The following BIN1 variants were observed in gnomAD, a reference collection of about 807,000 sequenced individuals.
BIN1 encodes the protein myc box-dependent-interacting protein 1.
In BIN1, 53 loss-of-function variants were observed where a neutral mutation model predicts 82.0. The observed-to-expected ratio is 0.65, with a 90% CI of 0.52 to 0.81. BIN1 has a LOEUF of 0.81. BIN1 is among the 40% of genes least tolerant of loss of function. BIN1 has a pLI of 0.00. For synonymous variants in BIN1, 302 were observed against 328.0 expected (o/e 0.92, Z 0.86); for missense variants, 642 against 784.4 (o/e 0.82, Z 2.17).
chr2:127,086,511 C>CT (rs34507663), intron 1 of BIN1, among the ~76,000 whole-genome samples: 141 of 142,322 alleles, frequency 9.9e-4, no homozygotes, highest in African/African-American at 1.1e-3. Flanking sequence ...ATCTTTTTTT[C>CT]TTTTTTTTTT....
Position 127,078,435 on chromosome 2 carries a change from C to A in BIN1, c.85-1729G>T, listed in dbSNP as rs193058280. ...CAGCTCAGACAGAGGGGAGAGGTTGCAACAAAGGTAAGGAGACCAGAAAGA... is the reference window on the plus strand; with the variant it reads ...CAGCTCAGACAGAGGGGAGAGGTTGAAACAAAGGTAAGGAGACCAGAAAGA... On this transcript the variant is annotated intron_variant, in intron 1 of 18. Coordinates refer to ENST00000316724, the MANE Select transcript of BIN1 (RefSeq NM_139343.3). 5.3e-5 allele frequency among the ~76,000 whole-genome samples: 8 copies of A among 152,252 alleles called. No homozygotes were observed. The East Asian group carries it at 1.5e-3, about 29-fold the overall frequency.
rs1685482455 is a variant in BIN1, at chr2:127,068,774, C to G, written c.519+150G>C. 1.3e-6 allele frequency: 1 copy of G among 762,372 alleles called. No homozygotes were observed. Among genetic ancestry groups the G allele is most frequent in the Non-Finnish European group, 2.2e-6 (1 of 449,158 alleles). 47.2% of individuals were successfully genotyped at this position (762,372 alleles called of 1,614,324 possible). A position where few individuals can be genotyped will look rare whatever the true frequency, so the allele number is the denominator to read the frequency against. On this transcript the variant is annotated intron_variant, in intron 6 of 18. Transcript: ENST00000316724. The surrounding 1 kb of genome is among the most constrained non-coding windows in gnomAD (Gnocchi z 4.9). ...CTCACCCAGGCACCCACAAGGGCCT[C>G]TCACTCACCGGCCTGGGCCCTGTAT...
At chr2:127,087,125 T>C (rs1434549867) in intron 1 of BIN1, among the ~76,000 whole-genome samples, 2 of 152,218 alleles carry the variant, frequency 1.3e-5, no homozygotes, top group Non-Finnish European at 2.9e-5. Context: ...AATAAAAACT[T>C]GACCAACTAC....
intron 1 of BIN1, among the ~76,000 whole-genome samples, chr2:127,083,370 C>T (rs530035207): frequency 2.6e-5 from 4 of 152,124 alleles, no homozygotes; most frequent in Admixed American, 6.5e-5. Flanking sequence ...TACAAGCCAC[C>T]GTGCCCAGTC....
chr2:127,071,356 G>A (rs926523774), intron 2 of BIN1, among the ~76,000 whole-genome samples: 8 of 152,216 alleles, frequency 5.3e-5, no homozygotes, highest in Non-Finnish European at 1.0e-4. Context: ...GAAGACCTGC[G>A]GAAGAGACGG....
intron 11 of BIN1, among the ~76,000 whole-genome samples, chr2:127,058,643 G>A (rs1276258975): frequency 2.0e-5 from 3 of 152,150 alleles, no homozygotes; most frequent in Non-Finnish European, 4.4e-5. Flanking sequence ...CAGGAAGAGG[G>A]ACAGGCAGCC....
intron 1 of BIN1, among the ~76,000 whole-genome samples, chr2:127,104,190 T>A (rs4663096): frequency 0.23 from 35,181 of 152,178 alleles, 4,690 homozygotes; most frequent in African/African-American, 0.37. Context: ...TCAGCCTGCG[T>A]CAGGCCCAAA....
At chr2:127,063,897 T>G (rs529307900) in intron 8 of BIN1, 36 bp downstream of exon 8, 3 of 1,609,110 alleles carry the variant, frequency 1.9e-6, no homozygotes, top group Non-Finnish European at 2.5e-6. Context: ...GACTGGACAC[T>G]GCCCCACGCA....
intron 5 of BIN1, among the ~76,000 whole-genome samples, chr2:127,069,530 C>A (rs111407310): frequency 1.4e-4 from 21 of 152,330 alleles, no homozygotes; most frequent in African/African-American, 5.1e-4. Flanking sequence ...CAACCCAGGC[C>A]TGGCAGAGAC....
intron 2 of BIN1, among the ~76,000 whole-genome samples, chr2:127,075,359 C>G (rs904845586): frequency 6.6e-6 from 1 of 152,230 alleles, no homozygotes; most frequent in Non-Finnish European, 1.5e-5. Flanking sequence ...GGGACATGCC[C>G]TGGGGCTTCC....
intron 1 of BIN1, among the ~76,000 whole-genome samples, chr2:127,083,902 G>C (rs368554022): frequency 5.9e-5 from 9 of 152,330 alleles, no homozygotes; most frequent in African/African-American, 2.2e-4. Flanking sequence ...GAGGGAGGCT[G>C]AGCCTTCCCA....
intron 2 of BIN1, 140 bp downstream of exon 2, chr2:127,076,486 G>A: frequency 1.0e-6 from 1 of 970,486 alleles, no homozygotes; most frequent in Non-Finnish European, 1.7e-6. Context: ...CCTCCTCTAG[G>A]AAGTCTTACA....
intron 7 of BIN1, 78 bp from the exon 8 acceptor site, chr2:127,064,096 T>A: frequency 6.5e-7 from 1 of 1,533,536 alleles, no homozygotes; most frequent in Non-Finnish European, 9.0e-7. Flanking sequence ...TCCCACCTCC[T>A]GCCCACCCCT....
chr2:127,071,214 G>T (rs931291997), intron 2 of BIN1, among the ~76,000 whole-genome samples: 1 of 152,208 alleles, frequency 6.6e-6, no homozygotes, highest in African/African-American at 2.4e-5. Flanking sequence ...AATGAGCACA[G>T]GAGTATGGGC....
Position 127,068,324 on chromosome 2 carries a change from A to G in BIN1, c.520-69T>C. On this transcript the variant is annotated intron_variant, in intron 6 of 18. Coordinates refer to ENST00000316724, the MANE Select transcript of BIN1 (RefSeq NM_139343.3). This position sits in a 1 kb window ranked among gnomAD's most constrained non-coding sequence, Gnocchi z 4.9. ...GAGGTGGGGAGAGAGAAACAGAGAC[A>G]CACAGATTAAATGCAGGTCCACACG... 1 of 1,338,358 alleles carries G rather than the reference A, an allele frequency of 7.5e-7. No homozygotes were observed. Among genetic ancestry groups the G allele is most frequent in the Non-Finnish European group, 1.0e-6 (1 of 954,366 alleles). 82.9% of individuals were successfully genotyped at this position (1,338,358 alleles called of 1,614,324 possible).
At position 127,050,518 on chromosome 2, in the gene BIN1, T is replaced by C. The variant is rs886043878; in HGVS notation, c.1577A>G (p.Gln526Arg). Residue 526 changes from glutamine (Q) to arginine (R), a missense_variant, in exon 18 of 19, where the codon CAG (glutamine) becomes CGG (arginine). Physicochemically the swap from Gln to Arg is conservative, Grantham distance 43. Transcript: ENST00000316724. ...AGTGGCCGTGTAGTCGTGCTGGGCC[T>C]GTACCTGCAGAGGATGCGGATCGCA... Reference protein sequence around the residue: ...DLPPGFMFKVQAQHDYTATDT... With the variant: ...DLPPGFMFKVRAQHDYTATDT... 1 of 1,614,220 alleles carries C rather than the reference T, an allele frequency of 6.2e-7. No individual in the cohort carries two copies. The highest frequency in any genetic ancestry group is 8.5e-7 in the Non-Finnish European group (1 of 1,180,026).
chr2:127,063,866 G>A, intron 8 of BIN1, 67 bp downstream of exon 8: 2 of 1,592,892 alleles, frequency 1.3e-6, no homozygotes, highest in East Asian at 2.2e-5. Flanking sequence ...ACAGCACGCA[G>A]ACTGGGCACC....
At chr2:127,073,429 C>T (rs1270910107) in intron 2 of BIN1, among the ~76,000 whole-genome samples, 18 of 152,230 alleles carry the variant, frequency 1.2e-4, no homozygotes, top group Non-Finnish European at 5.9e-5. Flanking sequence ...CTGCCCACCT[C>T]AGCCTGTGTC....
At chr2:127,084,394 T>A (rs993068708) in intron 1 of BIN1, among the ~76,000 whole-genome samples, 1 of 152,216 alleles carries the variant, frequency 6.6e-6, no homozygotes, top group Non-Finnish European at 1.5e-5. Context: ...TGCTCAAACA[T>A]CCCAAGTGCG....
Sources: gnomAD v4.1 joint callset for allele counts (sites outside exome capture counted in the v4.1 genomes callset) on GRCh38, gnomAD v4.1.1 for gene constraint, Gnocchi (gnomAD v3.1) non-coding constraint, MANE v1.5 for transcripts, NCBI Gene and HGNC (gene_info 2026-07-23, HGNC 2026-07-21) for gene names.